TASP1: variants seen among roughly 807,000 people sequenced by gnomAD.
TASP1 encodes the protein taspase 1.
Under a neutral mutation model 56.6 loss-of-function variants are expected in TASP1, and 16 were observed. The observed-to-expected ratio is 0.28, with a 90% CI of 0.19 to 0.43. The LOEUF (loss-of-function observed/expected upper bound fraction) is 0.43. TASP1 is among the 20% of genes least tolerant of loss of function. The pLI, the probability that TASP1 is intolerant of heterozygous loss-of-function variation, is 1.00. For missense variants in TASP1, 393 were observed against 511.6 expected, an observed-to-expected ratio of 0.77 and a Z score of 2.24; for synonymous variants, 179 against 184.2, an observed-to-expected ratio of 0.97 and a Z score of 0.23.
At chr20:13,340,836 T>C in the TASP1 span, among the ~76,000 whole-genome samples, 492 of 152,344 alleles carry the variant, frequency 3.2e-3, 1 homozygote, top group African/African-American at 0.011. Flanking sequence ...ATAATGATAA[T>C]AATACATTAT....
chr20:13,368,267 T>C, the TASP1 span: 2 of 152,344 alleles, frequency 1.3e-5, no homozygotes, highest in African/African-American at 2.4e-5. Context: ...GGCAATTTAA[T>C]TAAATTACTC....
chr20:13,589,158 C>T (rs999254808), intron 4 of TASP1, among the ~76,000 whole-genome samples: 1 of 150,090 alleles, frequency 6.7e-6, no homozygotes, highest in African/African-American at 2.5e-5. Flanking sequence ...CCTGGGTTCA[C>T]GCCATTCTCC....
chr20:13,277,510 C>T, the TASP1 span, among the ~76,000 whole-genome samples: 1 of 152,174 alleles, frequency 6.6e-6, no homozygotes, highest in South Asian at 2.1e-4. Flanking sequence ...CAGCTGTGTG[C>T]TCCTTCTCCA....
intron 2 of TASP1, among the ~76,000 whole-genome samples, chr20:13,627,733 T>TAAAAAAAAA (rs35542097): frequency 5.9e-5 from 7 of 119,520 alleles, no homozygotes; most frequent in East Asian, 2.4e-4. Context: ...AACTTAGTCT[T>TAAAAAAAAA]AAAAAAAAAA....
At chr20:13,432,059 A>G (rs2146167940) in intron 12 of TASP1, among the ~76,000 whole-genome samples, 1 of 152,358 alleles carries the variant, frequency 6.6e-6, no homozygotes, top group Middle Eastern at 3.4e-3. Flanking sequence ...AGCAATAGAA[A>G]CAGACTAACA....
At chr20:13,430,109 T>G (rs868208655) in intron 12 of TASP1, among the ~76,000 whole-genome samples, 2 of 151,840 alleles carry the variant, frequency 1.3e-5, no homozygotes, top group African/African-American at 4.8e-5. Context: ...TCCTAGAGGG[T>G]CCCCAAAAAG....
At chr20:13,592,907 C>G (rs1309894193) in intron 4 of TASP1, among the ~76,000 whole-genome samples, 1 of 152,038 alleles carries the variant, frequency 6.6e-6, no homozygotes, top group Non-Finnish European at 1.5e-5. Context: ...AAATCCTTAA[C>G]AAAATATTAA....
the TASP1 span, among the ~76,000 whole-genome samples, chr20:13,186,396 G>T: frequency 7.9e-3 from 1,200 of 152,256 alleles, 24 homozygotes; most frequent in African/African-American, 0.027. Context: ...TAAAGAGGCT[G>T]CAGGGGAAGA....
intron 8 of TASP1, among the ~76,000 whole-genome samples, chr20:13,538,071 T>C (rs1249973745): frequency 6.6e-6 from 1 of 151,836 alleles, no homozygotes; most frequent in Non-Finnish European, 1.5e-5. Flanking sequence ...GGCATGATCT[T>C]GGCTCACAGC....
intron 8 of TASP1, among the ~76,000 whole-genome samples, chr20:13,549,012 T>C (rs1261573041): frequency 1.3e-5 from 2 of 152,140 alleles, no homozygotes; most frequent in Admixed American, 1.3e-4. Flanking sequence ...ACATACTCCA[T>C]GTTGACAATG....
the TASP1 span, among the ~76,000 whole-genome samples, chr20:13,257,007 T>C: frequency 6.6e-6 from 1 of 151,752 alleles, no homozygotes; most frequent in Non-Finnish European, 1.5e-5. Context: ...TGAAAGTGAG[T>C]GCTAGAAAAG....
chr20:13,535,174 A>C (rs7265700), intron 8 of TASP1, among the ~76,000 whole-genome samples: 1 of 152,192 alleles, frequency 6.6e-6, no homozygotes, highest in African/African-American at 2.4e-5. Context: ...CTTGGTTGGT[A>C]CTGAGAGATC....
chr20:13,372,660 C>G, the TASP1 span, among the ~76,000 whole-genome samples: 1 of 151,810 alleles, frequency 6.6e-6, no homozygotes, highest in Non-Finnish European at 1.5e-5. Context: ...TTTATATTGC[C>G]ATTTAATTGT....
At chr20:13,497,734 T>C (rs567078061) in intron 10 of TASP1, among the ~76,000 whole-genome samples, 1 of 152,218 alleles carries the variant, frequency 6.6e-6, no homozygotes, top group East Asian at 1.9e-4. Context: ...GACTTTAAAT[T>C]ATACTACAAA....
chr20:13,437,743 T>C (rs963053875), intron 11 of TASP1, among the ~76,000 whole-genome samples: 9 of 152,132 alleles, frequency 5.9e-5, no homozygotes, highest in African/African-American at 2.2e-4. Flanking sequence ...AAATCATGAG[T>C]GAACTCCCAT....
the TASP1 span, among the ~76,000 whole-genome samples, chr20:13,268,027 G>C: frequency 6.6e-6 from 1 of 152,194 alleles, no homozygotes; most frequent in Non-Finnish European, 1.5e-5. Flanking sequence ...AAAAGCAAGG[G>C]AACAAATGCA....
the TASP1 span, chr20:13,270,584 C>A: frequency 6.2e-7 from 1 of 1,613,832 alleles, no homozygotes; most frequent in Non-Finnish European, 8.5e-7. Flanking sequence ...AGCATCTGGA[C>A]CACCAGGCTG....
chr20:13,421,953 C>CTTTTTTTT (rs1179688722), intron 12 of TASP1, among the ~76,000 whole-genome samples: 5 of 139,042 alleles, frequency 3.6e-5, no homozygotes, highest in African/African-American at 8.1e-5. Context: ...TCTGTTTAAC[C>CTTTTTTTT]TTTTTTTTTT....
chr20:13,434,187 C>T (rs1453831205), intron 12 of TASP1, among the ~76,000 whole-genome samples: 1 of 151,894 alleles, frequency 6.6e-6, no homozygotes, highest in Non-Finnish European at 1.5e-5. Context: ...GGTGGGTTCA[C>T]TTTGTGATAA....
Sources: allele counts gnomAD v4.1 joint callset (sites outside exome capture counted in the v4.1 genomes callset), GRCh38; gene constraint gnomAD v4.1.1; transcripts MANE v1.5; gene names NCBI Gene and HGNC (gene_info 2026-07-23, HGNC 2026-07-21).